The following HEG1 variants were observed in gnomAD, a reference collection of about 807,000 sequenced individuals.
HEG1 encodes heart development protein with EGF like domains 1.
HEG1 carries 56 observed loss-of-function variants against 125.6 expected under a neutral mutation model. That is an observed-to-expected ratio of 0.45 (90% CI 0.36 to 0.56). The LOEUF (loss-of-function observed/expected upper bound fraction) is 0.56, where lower values mean the gene tolerates loss of function less well. Ranked by LOEUF, HEG1 falls within the 20% of genes least tolerant of loss-of-function variation. The pLI, the probability that HEG1 is intolerant of heterozygous loss-of-function variation, is 0.00. For synonymous variants in HEG1, 644 were observed against 668.5 expected (o/e 0.96, Z 0.57); for missense variants, 1,523 against 1,670.0 (o/e 0.91, Z 1.53).
chr3:125,044,086 C>T (rs1041623452), intron 1 of HEG1, among the ~76,000 whole-genome samples: 1 of 152,210 alleles, frequency 6.6e-6, no homozygotes, highest in African/African-American at 2.4e-5. Flanking sequence ...GGAGCGTTGA[C>T]GACTGCTAGA....
chr3:124,993,904 C>A (rs1560019353), intron 12 of HEG1, among the ~76,000 whole-genome samples: 1 of 152,156 alleles, frequency 6.6e-6, no homozygotes, highest in African/African-American at 2.4e-5. Flanking sequence ...CAAATGGGCT[C>A]ATTCCGTTAC....
intron 1 of HEG1, among the ~76,000 whole-genome samples, chr3:125,046,976 A>G (rs767079191): frequency 2.6e-5 from 4 of 152,228 alleles, no homozygotes; most frequent in Non-Finnish European, 4.4e-5. Context: ...ATAGCTTTCT[A>G]TGCGTTCATC....
At chr3:124,971,064 T>A (rs1936414473) in intron 16 of HEG1, 4 of 563,434 alleles carry the variant, frequency 7.1e-6, no homozygotes, top group South Asian at 3.1e-5. Context: ...CCTACGACCA[T>A]CTAGTTGCAG....
At chr3:124,981,841 T>C (rs1193744355) in intron 14 of HEG1, among the ~76,000 whole-genome samples, 1 of 152,188 alleles carries the variant, frequency 6.6e-6, no homozygotes, top group Non-Finnish European at 1.5e-5. Flanking sequence ...TTTATTTACA[T>C]ATTTACATAT....
At chr3:124,983,898 A>G (rs1024371205) in intron 14 of HEG1, among the ~76,000 whole-genome samples, 4 of 152,102 alleles carry the variant, frequency 2.6e-5, no homozygotes, top group African/African-American at 9.7e-5. Context: ...CCCTCTCCCC[A>G]ATCCCTGCCT....
chr3:124,984,594 A>T (rs1936709277), intron 14 of HEG1, among the ~76,000 whole-genome samples: 1 of 152,086 alleles, frequency 6.6e-6, no homozygotes, highest in African/African-American at 2.4e-5. Flanking sequence ...ACCTGCCTCT[A>T]CTAAAAATAC....
chr3:124,970,619 G>C lies in HEG1; in HGVS notation c.*33C>G. ...TCTGAGCAGAGGTCCCAGGTGACTG[G>C]CTCAGAGCAATGAGTCCCTCTCTCT... On this transcript the variant is annotated 3_prime_UTR_variant, in exon 17 of 17. Coordinates refer to ENST00000311127, the MANE Select transcript of HEG1 (RefSeq NM_020733.2). 31 of 1,570,302 alleles carry C rather than the reference G, an allele frequency of 2.0e-5. No homozygotes were observed. The highest frequency in any genetic ancestry group is 2.6e-5 in the Non-Finnish European group (30 of 1,155,782).
chr3:124,968,693 G>C lies in HEG1; in HGVS notation c.*1959C>G, dbSNP rs1330109558. On this transcript the variant is annotated 3_prime_UTR_variant, in exon 17 of 17. Transcript: ENST00000311127. ...CTCTTCCCACAGCTGCGGGTTCTGG[G>C]GGTGAGCAGGCATGCTGCGGAAGGA... 1 of 152,150 alleles carries C rather than the reference G, an allele frequency of 6.6e-6. No homozygotes were observed. Among genetic ancestry groups the C allele is most frequent in the Non-Finnish European group, 1.5e-5 (1 of 68,030 alleles). 9.4% of individuals were successfully genotyped at this position (152,150 alleles called of 1,614,324 possible). A position where few individuals can be genotyped will look rare whatever the true frequency, so the allele number is the denominator to read the frequency against.
chr3:125,014,879 C>T, intron 5 of HEG1: 5 of 1,289,908 alleles, frequency 3.9e-6, no homozygotes, highest in Non-Finnish European at 5.1e-6. Flanking sequence ...TGACAGACCG[C>T]AGTGTGCGTT....
At chr3:125,053,472 GTTCAT>G (rs969086637) in intron 1 of HEG1, among the ~76,000 whole-genome samples, 92 of 152,308 alleles carry the variant, frequency 6.0e-4, no homozygotes, top group African/African-American at 2.1e-3. Context: ...TTCAACAGGT[GTTCAT>G]TTCATCTCTT....
At position 124,988,744 on chromosome 3, in the gene HEG1, C is replaced by T. The variant is rs6783737; in HGVS notation, c.3733+2043G>A. 6.3e-3 allele frequency among the ~76,000 whole-genome samples: 961 copies of T among 152,282 alleles called. 15 individuals carry two copies. The highest frequency in any genetic ancestry group is 0.021 in the African/African-American group (870 of 41,564). ...CCATCCTGGCCAACATGGTAAAACC[C>T]CGTCTCTACTAAAAATACAAAAATT... On this transcript the variant is annotated intron_variant, in intron 14 of 16. Coordinates refer to ENST00000311127, the MANE Select transcript of HEG1 (RefSeq NM_020733.2).
chr3:125,055,301 A>T (rs1937907579), intron 1 of HEG1, among the ~76,000 whole-genome samples: 1 of 151,956 alleles, frequency 6.6e-6, no homozygotes. Context: ...CATTTTTTTT[A>T]AAGTGGGGTG....
rs564591010 is a variant in HEG1 at position 125,016,181 on chromosome 3, G to A, written c.1589-2191C>T. Among the ~76,000 whole-genome samples, 8 of 152,320 alleles carry A rather than the reference G, an allele frequency of 5.3e-5. No individual in the cohort carries two copies. The South Asian group carries it at 1.7e-3, about 32-fold the overall frequency. On this transcript the variant is annotated intron_variant, in intron 5 of 16. Coordinates refer to ENST00000311127, the MANE Select transcript of HEG1 (RefSeq NM_020733.2). ...GGCCAATGACCACATCAGGGTTACAGGCTTAACAAAGTAGAGAGAGAGTCA... is the reference window on the plus strand; with the variant it reads ...GGCCAATGACCACATCAGGGTTACAAGCTTAACAAAGTAGAGAGAGAGTCA...
At chr3:125,047,402 T>C (rs7635169) in intron 1 of HEG1, among the ~76,000 whole-genome samples, 2,962 of 152,324 alleles carry the variant, frequency 0.019, 79 homozygotes, top group African/African-American at 0.061. Flanking sequence ...TTTCTACTAA[T>C]AGCCCATTTG....
chr3:125,027,402 G>A lies in HEG1; in HGVS notation c.716C>T (p.Ala239Val), dbSNP rs772039855. 1.4e-5 allele frequency: 22 copies of A among 1,613,946 alleles called. No individual in the cohort carries two copies. The highest frequency in any genetic ancestry group is 5.0e-5 in the Admixed American group (3 of 60,034). Residue 239 changes from alanine (A) to valine (V), a missense_variant, in exon 3 of 17, where the codon GCG (alanine) becomes GTG (valine). Ala to Val is a moderately conservative substitution (Grantham distance 64). Transcript: ENST00000311127. ...AGTCCATTCTTCTGACAGCCCCATC[G>A]CCCTCTCTGTTCCCATCTCCGAGGC... ...GTASEMGTER[A>V]MGLSEEWTVH...
chr3:125,027,075 G>T, intron 3 of HEG1, 130 bp downstream of exon 3: 3 of 783,982 alleles, frequency 3.8e-6, no homozygotes, highest in Non-Finnish European at 5.9e-6. Context: ...GGCATTAGAG[G>T]AATGGCATTT....
chr3:125,055,922 G>C lies in HEG1; in HGVS notation c.-32C>G. ...GGCGCCCGCCCGCGCTCACATGCCC[G>C]GCGCGCGGGGCGAGGGCAGCGGGCA... On this transcript the variant is annotated 5_prime_UTR_variant, in exon 1 of 17. Transcript: ENST00000311127. 1 of 958,282 alleles carries C rather than the reference G, an allele frequency of 1.0e-6. No homozygotes were observed. The allele number at this position is 958,282 out of a possible 1,614,324, so 59.4% of individuals were successfully genotyped here.
intron 9 of HEG1, 142 bp from the exon 10 acceptor site, chr3:125,002,457 C>G: frequency 1.5e-6 from 1 of 661,940 alleles, no homozygotes; most frequent in Non-Finnish European, 2.6e-6. Context: ...AAGTGGTGTC[C>G]TTTTTTTGTT....
At chr3:125,046,507 A>T (rs1937673189) in intron 1 of HEG1, among the ~76,000 whole-genome samples, 1 of 151,854 alleles carries the variant, frequency 6.6e-6, no homozygotes, top group Non-Finnish European at 1.5e-5. Flanking sequence ...CCTGGCCTCA[A>T]GCAATTCTCC....
Sources: gnomAD v4.1 joint callset for allele counts (sites outside exome capture counted in the v4.1 genomes callset) on GRCh38, gnomAD v4.1.1 for gene constraint, MANE v1.5 for transcripts, NCBI Gene and HGNC (gene_info 2026-07-23, HGNC 2026-07-21) for gene names.